The following TSHZ1 variants were observed in gnomAD, a reference collection of about 807,000 sequenced individuals.
TSHZ1 encodes teashirt zinc finger homeobox 1.
Under a neutral mutation model 67.1 loss-of-function variants are expected in TSHZ1, and 12 were observed. The observed-to-expected ratio is 0.18, with a 90% CI of 0.11 to 0.29. The LOEUF (loss-of-function observed/expected upper bound fraction) is 0.29, where lower values mean the gene tolerates loss of function less well. TSHZ1 is among the 10% of genes least tolerant of loss of function. TSHZ1 has a pLI of 1.00. For synonymous variants in TSHZ1, 632 were observed against 622.4 expected (o/e 1.02, Z -0.23); for missense variants, 1,305 against 1,413.9 (o/e 0.92, Z 1.23).
chr18:75,222,728 A>AC (rs1198737644), intron 1 of TSHZ1, among the ~76,000 whole-genome samples: 1 of 151,600 alleles, frequency 6.6e-6, no homozygotes, highest in Non-Finnish European at 1.5e-5. Context: ...TGCCCCCTCC[A>AC]CCCCCCTATT....
intron 1 of TSHZ1, among the ~76,000 whole-genome samples, chr18:75,233,563 T>C (rs545186824): frequency 7.9e-5 from 12 of 152,182 alleles, no homozygotes; most frequent in Non-Finnish European, 1.8e-4. Flanking sequence ...GATGGTTTCT[T>C]GTTTTATTTT....
At chr18:75,253,705 A>G (rs989019552) in intron 1 of TSHZ1, among the ~76,000 whole-genome samples, 2 of 152,284 alleles carry the variant, frequency 1.3e-5, no homozygotes, top group South Asian at 2.1e-4. Flanking sequence ...GAAAGCAACT[A>G]TATGTGCAAG....
chr18:75,224,843 C>A (rs1468388420), intron 1 of TSHZ1, among the ~76,000 whole-genome samples: 1 of 152,108 alleles, frequency 6.6e-6, no homozygotes, highest in Non-Finnish European at 1.5e-5. Context: ...TTTCTCAAGC[C>A]TCAGTTTCCT....
At chr18:75,226,927 G>C (rs1024098928) in intron 1 of TSHZ1, among the ~76,000 whole-genome samples, 1 of 152,060 alleles carries the variant, frequency 6.6e-6, no homozygotes, top group Non-Finnish European at 1.5e-5. Flanking sequence ...ACCTCAGCCC[G>C]CTGCAACAGC....
At position 75,288,032 on chromosome 18, in the gene TSHZ1, G is replaced by A. The variant is rs535684444; in HGVS notation, c.2625G>A (p.Ala875=). Residue 875 remains alanine, a synonymous_variant, in exon 2 of 2, where the codon GCG becomes GCA. Transcript: ENST00000580243. This position sits in a 1 kb window ranked among gnomAD's most constrained non-coding sequence, Gnocchi z 4.9. ...SDADGSSFEE[A]LDELSPVHKR... ...CTGATGGCAGCAGCTTTGAGGAGGC[G>A]TTGGACGAGCTGTCACCGGTCCACA... The A allele has an allele frequency of 6.4e-5, 103 of 1,614,096 alleles. No homozygotes were observed. The highest frequency in any genetic ancestry group is 4.9e-4 in the South Asian group (45 of 91,082).
intron 1 of TSHZ1, among the ~76,000 whole-genome samples, chr18:75,265,786 G>A (rs1250447912): frequency 6.6e-6 from 1 of 152,034 alleles, no homozygotes; most frequent in Non-Finnish European, 1.5e-5. Context: ...TCATTTTCTT[G>A]TCCGATGATG....
At chr18:75,228,958 A>G (rs7237556) in intron 1 of TSHZ1, among the ~76,000 whole-genome samples, 16,565 of 152,340 alleles carry the variant, frequency 0.11, 1,541 homozygotes, top group African/African-American at 0.25. Context: ...GGCTTAGGTC[A>G]TGGCCCTTTG....
At chr18:75,212,861 T>C (rs2122506752) in intron 1 of TSHZ1, among the ~76,000 whole-genome samples, 1 of 152,340 alleles carries the variant, frequency 6.6e-6, no homozygotes, top group South Asian at 2.1e-4. Flanking sequence ...GCCCAGTGAT[T>C]CTGCTGCCTG....
At chr18:75,239,297 T>G (rs2023124033) in intron 1 of TSHZ1, among the ~76,000 whole-genome samples, 2 of 152,256 alleles carry the variant, frequency 1.3e-5, no homozygotes, top group South Asian at 4.1e-4. Context: ...TTAATGGTTT[T>G]ATTTTATTTT....
intron 1 of TSHZ1, among the ~76,000 whole-genome samples, chr18:75,251,671 T>C (rs749643131): frequency 9.9e-5 from 15 of 152,160 alleles, no homozygotes; most frequent in Non-Finnish European, 1.9e-4. Context: ...AACTGTGAAG[T>C]AGTGTTGTTT....
chr18:75,235,009 A>G (rs973596047), intron 1 of TSHZ1, among the ~76,000 whole-genome samples: 6 of 151,918 alleles, frequency 3.9e-5, no homozygotes, highest in African/African-American at 1.5e-4. Context: ...TTTTTCTTCC[A>G]GTAGTAAAGG....
intron 1 of TSHZ1, among the ~76,000 whole-genome samples, chr18:75,224,207 A>G (rs1568352961): frequency 6.6e-6 from 1 of 151,726 alleles, no homozygotes; most frequent in African/African-American, 2.4e-5. Flanking sequence ...GTGCTTGTGC[A>G]TTATTAAAAG....
rs368809791 is a variant in TSHZ1, at chr18:75,287,642, G to A, written c.2235G>A (p.Pro745=). 2.7e-5 allele frequency: 44 copies of A among 1,614,142 alleles called. No individual in the cohort carries two copies. The highest frequency in any genetic ancestry group is 4.5e-5 in the East Asian group (2 of 44,862). The change falls in exon 2 of 2, where the codon CCG becomes CCA. Residue 745 remains proline (P), a synonymous_variant. Coordinates refer to ENST00000580243, the MANE Select transcript of TSHZ1 (RefSeq NM_001308210.2). The surrounding 1 kb of genome is among the most constrained non-coding windows in gnomAD (Gnocchi z 5.0). ...DHSPEPSFIN[P]LSALQSIMNT... ...CACCGGAGCCTTCCTTCATCAACCC[G>A]CTGAGCGCTTTGCAGTCCATCATGA...
intron 1 of TSHZ1, among the ~76,000 whole-genome samples, chr18:75,233,969 A>G (rs80222185): frequency 1.3e-5 from 2 of 152,168 alleles, no homozygotes; most frequent in East Asian, 3.8e-4. Flanking sequence ...TTGCACACAT[A>G]CTGATGTCCC....
rs923566442 is a variant in TSHZ1, at chr18:75,271,273, G to A, written c.41-14175G>A. On this transcript the variant is annotated intron_variant, in intron 1 of 1. Transcript: ENST00000580243. ...GTAATGACTAGCATAAGGGCCCTGC[G>A]TATCACCTCGTTAAGTGGGCATCCC... Among the ~76,000 whole-genome samples the A allele has an allele frequency of 3.3e-5, 5 of 152,174 alleles. No individual in the cohort carries two copies. In the East Asian group the frequency reaches 7.7e-4, roughly 23 times the overall value.
At chr18:75,214,860 G>A (rs368241369) in intron 1 of TSHZ1, among the ~76,000 whole-genome samples, 30 of 152,190 alleles carry the variant, frequency 2.0e-4, no homozygotes, top group South Asian at 4.2e-4. Flanking sequence ...TGTGACAGGC[G>A]TAACGATTAA....
At position 75,211,715 on chromosome 18, in the gene TSHZ1, A is replaced by T; in HGVS notation, c.-162A>T. 4.6e-6 allele frequency: 1 copy of T among 217,232 alleles called. No individual in the cohort carries two copies. The highest frequency in any genetic ancestry group is 7.5e-6 in the Non-Finnish European group (1 of 133,716). The allele number at this position is 217,232 out of a possible 1,614,324, so 13.5% of individuals were successfully genotyped here. On this transcript the variant is annotated 5_prime_UTR_variant, in exon 1 of 2. Coordinates refer to ENST00000580243, the MANE Select transcript of TSHZ1 (RefSeq NM_001308210.2). Reference sequence around the variant, plus strand: ...GGCCCCGGGCGCGGCGGTCCATGCGAGCGGCTCCCCGCGGTCCGCGGCGCG... The same window carrying T: ...GGCCCCGGGCGCGGCGGTCCATGCGTGCGGCTCCCCGCGGTCCGCGGCGCG...
In TSHZ1 at chr18:75,285,512, G is replaced by C. The variant is rs922868077; in HGVS notation, c.105G>C (p.Gly35=). ...EIDEEHVEDD[G]LSLDIQESEY... Reference sequence around the variant, plus strand: ...ATGAAGAGCACGTGGAGGATGACGGGCTGTCTTTGGACATTCAGGAAAGTG... The same window carrying C: ...ATGAAGAGCACGTGGAGGATGACGGCCTGTCTTTGGACATTCAGGAAAGTG... The change falls in exon 2 of 2, where the codon GGG becomes GGC. Residue 35 remains glycine (G), a synonymous_variant. Transcript: ENST00000580243. The C allele has an allele frequency of 1.3e-6, 2 of 1,535,842 alleles. No individual in the cohort carries two copies. The highest frequency in any genetic ancestry group is 2.8e-5 in the African/African-American group (2 of 72,612).
In TSHZ1 at chr18:75,277,868, A is replaced by C. The variant is rs551594698; in HGVS notation, c.41-7580A>C. ...TGCCATAAATACTTCCTATAACCCC[A>C]AAAGACATTGTTCCAATGGGGACAG... On this transcript the variant is annotated intron_variant, in intron 1 of 1. Transcript: ENST00000580243. Among the ~76,000 whole-genome samples, 8 of 152,316 alleles carry C rather than the reference A, an allele frequency of 5.3e-5. No individual in the cohort carries two copies. In the South Asian group the frequency reaches 1.7e-3, roughly 32 times the overall value.
Sources: gnomAD v4.1 joint callset for allele counts (sites outside exome capture counted in the v4.1 genomes callset) on GRCh38, gnomAD v4.1.1 for gene constraint, Gnocchi (gnomAD v3.1) non-coding constraint, MANE v1.5 for transcripts, NCBI Gene and HGNC (gene_info 2026-07-23, HGNC 2026-07-21) for gene names.